SLC10A7: variants seen among roughly 807,000 people sequenced by gnomAD.
The protein encoded by SLC10A7 is solute carrier family 10 member 7.
A neutral mutation model predicts 43.2 loss-of-function variants in SLC10A7; 29 were observed. That is an observed-to-expected ratio of 0.67 (90% CI 0.50 to 0.92). The LOEUF (loss-of-function observed/expected upper bound fraction) is 0.92. Ranked by LOEUF, SLC10A7 falls within the 40% of genes least tolerant of loss-of-function variation. The probability of loss-of-function intolerance (pLI) is 0.00; values close to 1 mark genes in which losing one functional copy is unlikely to be tolerated. For missense variants in SLC10A7, 295 were observed against 403.2 expected, an observed-to-expected ratio of 0.73 and a Z score of 2.30; for synonymous variants, 152 against 144.8, an observed-to-expected ratio of 1.05 and a Z score of -0.35.
At chr4:146,515,740 C>G (rs1347599123) in intron 2 of SLC10A7, among the ~76,000 whole-genome samples, 2 of 151,756 alleles carry the variant, frequency 1.3e-5, no homozygotes, top group Non-Finnish European at 2.9e-5. Flanking sequence ...TGAAACCCCA[C>G]CTCTATTAAA....
chr4:146,395,450 A>G (rs1738756850), intron 5 of SLC10A7, among the ~76,000 whole-genome samples: 1 of 152,186 alleles, frequency 6.6e-6, no homozygotes, highest in Non-Finnish European at 1.5e-5. Context: ...TCATAGATTT[A>G]TGTGTACATG....
chr4:146,299,808 A>C (rs146549104), intron 7 of SLC10A7, among the ~76,000 whole-genome samples: 2 of 152,188 alleles, frequency 1.3e-5, no homozygotes, highest in African/African-American at 4.8e-5. Context: ...TAAATTCAAC[A>C]CAAGATGAGA....
At chr4:146,258,373 G>A (rs948045326) in intron 11 of SLC10A7, among the ~76,000 whole-genome samples, 24 of 152,164 alleles carry the variant, frequency 1.6e-4, no homozygotes, top group Non-Finnish European at 2.8e-4. Context: ...CACCAGAGTG[G>A]AGCAGGTATC....
intron 4 of SLC10A7, among the ~76,000 whole-genome samples, chr4:146,499,795 T>G (rs1035201215): frequency 4.6e-5 from 7 of 152,312 alleles, no homozygotes; most frequent in Non-Finnish European, 8.8e-5. Flanking sequence ...AAGGAGATAT[T>G]TCTAAATTCC....
chr4:146,265,910 T>C (rs942349750), intron 10 of SLC10A7, among the ~76,000 whole-genome samples: 13 of 152,006 alleles, frequency 8.6e-5, no homozygotes, highest in Admixed American at 4.6e-4. Flanking sequence ...AGCAAGAAAA[T>C]GTATTGAAAA....
At chr4:146,345,065 C>G (rs1248982314) in intron 5 of SLC10A7, among the ~76,000 whole-genome samples, 1 of 152,128 alleles carries the variant, frequency 6.6e-6, no homozygotes, top group Admixed American at 6.6e-5. Context: ...TCTGAAACTT[C>G]TATCTGAATG....
At chr4:146,487,812 A>C (rs1185102358) in intron 4 of SLC10A7, among the ~76,000 whole-genome samples, 1 of 152,152 alleles carries the variant, frequency 6.6e-6, no homozygotes, top group African/African-American at 2.4e-5. Context: ...TTGGGAGGCC[A>C]AGGTAGGAGG....
At chr4:146,303,432 C>T (rs139857895) in intron 7 of SLC10A7, among the ~76,000 whole-genome samples, 8,636 of 147,052 alleles carry the variant, frequency 0.059, 294 homozygotes, top group Middle Eastern at 0.091. Flanking sequence ...GGCTGGAGTG[C>T]GGTGGCACAA....
intron 4 of SLC10A7, among the ~76,000 whole-genome samples, chr4:146,481,347 T>C (rs1734457263): frequency 6.6e-6 from 1 of 152,200 alleles, no homozygotes; most frequent in Non-Finnish European, 1.5e-5. Flanking sequence ...AAGTCATTGC[T>C]GCACTGTGCC....
chr4:146,386,945 A>G (rs1311445652), intron 5 of SLC10A7, among the ~76,000 whole-genome samples: 2 of 152,240 alleles, frequency 1.3e-5, no homozygotes, highest in Admixed American at 1.3e-4. Flanking sequence ...GAGATACTCA[A>G]TAAACAACTA....
chr4:146,268,095 C>T (rs1728676024), intron 10 of SLC10A7, among the ~76,000 whole-genome samples: 1 of 152,146 alleles, frequency 6.6e-6, no homozygotes, highest in Non-Finnish European at 1.5e-5. Flanking sequence ...TGGACCTAAA[C>T]CTTCCCTTTG....
At chr4:146,375,845 C>T (rs1026799346) in intron 5 of SLC10A7, among the ~76,000 whole-genome samples, 4 of 152,094 alleles carry the variant, frequency 2.6e-5, no homozygotes, top group East Asian at 1.9e-4. Context: ...AAGATAGTGT[C>T]GGATCCCACA....
chr4:146,289,009 C>T (rs1730223807), intron 9 of SLC10A7, among the ~76,000 whole-genome samples: 1 of 152,166 alleles, frequency 6.6e-6, no homozygotes, highest in African/African-American at 2.4e-5. Context: ...GAATGTAGAA[C>T]AGAAAAGGTC....
At chr4:146,334,572 G>C (rs996768419) in intron 5 of SLC10A7, among the ~76,000 whole-genome samples, 6 of 152,112 alleles carry the variant, frequency 3.9e-5, no homozygotes, top group Non-Finnish European at 7.4e-5. Flanking sequence ...TGTTTTGAAA[G>C]AATCTTGAGG....
At chr4:146,360,344 C>T (rs933350588) in intron 5 of SLC10A7, among the ~76,000 whole-genome samples, 13 of 152,096 alleles carry the variant, frequency 8.5e-5, no homozygotes, top group African/African-American at 1.4e-4. Flanking sequence ...TTTTCAGCAA[C>T]GCTTACTCTG....
intron 5 of SLC10A7, among the ~76,000 whole-genome samples, chr4:146,439,929 T>G (rs1449870270): frequency 6.6e-6 from 1 of 152,176 alleles, no homozygotes; most frequent in Non-Finnish European, 1.5e-5. Flanking sequence ...CAATTTGGAA[T>G]TTCACTCCTC....
intron 3 of SLC10A7, among the ~76,000 whole-genome samples, chr4:146,506,028 G>A (rs982140343): frequency 2.6e-5 from 4 of 152,002 alleles, no homozygotes; most frequent in African/African-American, 4.8e-5. Flanking sequence ...CAGCCTCTCC[G>A]CCTTCTGTCT....
intron 10 of SLC10A7, among the ~76,000 whole-genome samples, chr4:146,276,950 TA>T (rs113290704): frequency 9.0e-4 from 130 of 144,164 alleles, no homozygotes; most frequent in Non-Finnish European, 8.4e-4. Context: ...AGACTCCATC[TA>T]AAAAAAAAAA....
At chr4:146,301,891 C>T (rs1731184990) in intron 7 of SLC10A7, among the ~76,000 whole-genome samples, 1 of 151,814 alleles carries the variant, frequency 6.6e-6, no homozygotes, top group African/African-American at 2.4e-5. Context: ...GTATCTAGAA[C>T]ACTTAAGAAA....
Sources: gnomAD v4.1 joint callset for allele counts (sites outside exome capture counted in the v4.1 genomes callset) on GRCh38, gnomAD v4.1.1 for gene constraint, MANE v1.5 for transcripts, NCBI Gene and HGNC (gene_info 2026-07-23, HGNC 2026-07-21) for gene names.